The following COL27A1 variants were observed in gnomAD, a reference collection of about 807,000 sequenced individuals.
COL27A1 encodes the protein collagen alpha-1(XXVII) chain.
COL27A1 carries 106 observed loss-of-function variants against 251.3 expected under a neutral mutation model. The ratio of observed to expected loss-of-function variants is 0.42; its 90% CI spans 0.36 to 0.50. The LOEUF (loss-of-function observed/expected upper bound fraction) is 0.50. Ranked by LOEUF, COL27A1 falls within the 20% of genes least tolerant of loss-of-function variation. The probability of loss-of-function intolerance (pLI) is 0.00; values close to 1 mark genes in which losing one functional copy is unlikely to be tolerated. For synonymous variants in COL27A1, 1,000 were observed against 986.3 expected, an observed-to-expected ratio of 1.01 and a Z score of -0.26; for missense variants, 2,325 against 2,522.8, an observed-to-expected ratio of 0.92 and a Z score of 1.68.
Position 114,234,310 on chromosome 9 carries a change from A to T in COL27A1, c.2566-1289A>T, listed in dbSNP as rs181889702. Among the ~76,000 whole-genome samples, 833 of 150,382 alleles carry T rather than the reference A, an allele frequency of 5.5e-3. 8 individuals are homozygous for T. Among genetic ancestry groups the T allele is most frequent in the African/African-American group, 0.017 (700 of 41,176 alleles). On this transcript the variant is annotated intron_variant, in intron 16 of 60. Transcript: ENST00000356083. ...GAAAAACCAAAGTAAGTTGAAAAAA[A>T]ATTTTTTTTTTAATTCTGACTTTTG...
At chr9:114,179,512 T>C (rs1390871992) in intron 4 of COL27A1, among the ~76,000 whole-genome samples, 1 of 152,210 alleles carries the variant, frequency 6.6e-6, no homozygotes, top group Non-Finnish European at 1.5e-5. Context: ...CCTCCATTCA[T>C]GTCTAAGAGC....
rs149195146 is a variant in COL27A1 at position 114,170,407 on chromosome 9, A to C, written c.1908+944A>C. On this transcript the variant is annotated intron_variant, in intron 3 of 60. Coordinates refer to ENST00000356083, the MANE Select transcript of COL27A1 (RefSeq NM_032888.4). ...ATGGGATGGCGTTTCCAGAAGGCTC[A>C]GGGCTCTGCTCTGTTCTCCCGCCTT... Among the ~76,000 whole-genome samples, 746 of 152,318 alleles carry C rather than the reference A, an allele frequency of 4.9e-3. 11 individuals are homozygous for C. Among genetic ancestry groups the C allele is most frequent in the African/African-American group, 0.017 (710 of 41,572 alleles).
In COL27A1 at chr9:114,258,631, G is replaced by A. The variant is rs772558303; in HGVS notation, c.3195+37G>A. 6.2e-6 allele frequency: 10 copies of A among 1,605,126 alleles called. No homozygotes were observed. In the African/African-American group the frequency reaches 8.0e-5, roughly 13 times the overall value. On this transcript the variant is annotated intron_variant, in intron 28 of 60. Coordinates refer to ENST00000356083, the MANE Select transcript of COL27A1 (RefSeq NM_032888.4). Reference sequence around the variant, plus strand: ...CCAGCTCCTGGGGGCTGATGCTGGTGGGAGGGGGCACACTTGGAACAGGGC... The same window carrying A: ...CCAGCTCCTGGGGGCTGATGCTGGTAGGAGGGGGCACACTTGGAACAGGGC...
chr9:114,260,005 G>T (rs1834206090), intron 28 of COL27A1, among the ~76,000 whole-genome samples: 1 of 138,776 alleles, frequency 7.2e-6, no homozygotes, highest in African/African-American at 2.7e-5. Flanking sequence ...TGGGGGGGGG[G>T]TCTCTTCAAA....
intron 1 of COL27A1, among the ~76,000 whole-genome samples, chr9:114,158,369 C>T (rs143089202): frequency 6.6e-6 from 1 of 152,316 alleles, no homozygotes; most frequent in African/African-American, 2.4e-5. Flanking sequence ...CCGGTTCTGG[C>T]AGTGTGGTTA....
At chr9:114,206,002 T>A (rs1829929750) in intron 9 of COL27A1, among the ~76,000 whole-genome samples, 190 bp downstream of exon 9, 1 of 152,120 alleles carries the variant, frequency 6.6e-6, no homozygotes, top group African/African-American at 2.4e-5. Context: ...TAAGGCTGCA[T>A]AGTAAGAGGA....
intron 3 of COL27A1, among the ~76,000 whole-genome samples, chr9:114,170,395 T>G (rs970163765): frequency 6.6e-6 from 1 of 152,190 alleles, no homozygotes; most frequent in Non-Finnish European, 1.5e-5. Context: ...GGATGGCGTT[T>G]CCAGAAGGCT....
intron 27 of COL27A1, among the ~76,000 whole-genome samples, chr9:114,258,103 G>T (rs553873821): frequency 1.3e-5 from 2 of 152,132 alleles, no homozygotes; most frequent in African/African-American, 2.4e-5. Context: ...AGGCTGAGGC[G>T]GGGGGATCAC....
At chr9:114,227,958 T>TG (rs1831617920) in intron 14 of COL27A1, among the ~76,000 whole-genome samples, 1 of 152,166 alleles carries the variant, frequency 6.6e-6, no homozygotes, top group Non-Finnish European at 1.5e-5. Context: ...TAGCCCAATG[T>TG]GGGGGTCCCA....
At position 114,243,928 on chromosome 9, in the gene COL27A1, T is replaced by C. The variant is rs866355068; in HGVS notation, c.2934+368T>C. On this transcript the variant is annotated intron_variant, in intron 23 of 60. Coordinates refer to ENST00000356083, the MANE Select transcript of COL27A1 (RefSeq NM_032888.4). ...ACCGTTTCTGTTTTTTTCTTTCATTTTTTTTTTTTTTTTTTTGAGATGGAG... is the reference window on the plus strand; with the variant it reads ...ACCGTTTCTGTTTTTTTCTTTCATTCTTTTTTTTTTTTTTTTGAGATGGAG... 7.4e-3 allele frequency among the ~76,000 whole-genome samples: 1,030 copies of C among 139,926 alleles called. 17 individuals are homozygous for C. Among genetic ancestry groups the C allele is most frequent in the African/African-American group, 0.028 (961 of 33,798 alleles). 91.8% of individuals were successfully genotyped at this position (139,926 alleles called of 152,430 possible). A position where few individuals can be genotyped will look rare whatever the true frequency, so the allele number is the denominator to read the frequency against.
In COL27A1 at chr9:114,205,610, G is replaced by A. The variant is rs73656018; in HGVS notation, c.2170-149G>A. The A allele has an allele frequency of 0.012, 8,828 of 725,078 alleles. 608 individuals carry two copies. The African/African-American group carries it at 0.14, about 11-fold the overall frequency. The allele number at this position is 725,078 out of a possible 1,614,324, so 44.9% of individuals were successfully genotyped here. On this transcript the variant is annotated intron_variant, in intron 8 of 60. Transcript: ENST00000356083. ...GGTCTGACCGGTTTCACAGAGGGGT[G>A]GGCTTGGGGGCCCTCCCCTTCCTCC...
At chr9:114,244,273 G>T (rs1274376681) in intron 23 of COL27A1, among the ~76,000 whole-genome samples, 1 of 152,178 alleles carries the variant, frequency 6.6e-6, no homozygotes, top group Non-Finnish European at 1.5e-5. Context: ...CTAGAAAGTG[G>T]ACAGGGATTA....
intron 37 of COL27A1, among the ~76,000 whole-genome samples, chr9:114,279,381 G>A (rs1180811787): frequency 1.3e-5 from 2 of 152,202 alleles, no homozygotes; most frequent in African/African-American, 2.4e-5. Flanking sequence ...CACATGGCCC[G>A]TGGTGAGGGT....
intron 49 of COL27A1, among the ~76,000 whole-genome samples, chr9:114,297,444 C>T (rs1158912532): frequency 6.6e-6 from 1 of 151,836 alleles, no homozygotes. Context: ...TATTAGAAAA[C>T]CAAATTCAGC....
intron 3 of COL27A1, among the ~76,000 whole-genome samples, chr9:114,175,572 C>T (rs570243010): frequency 1.3e-5 from 2 of 152,318 alleles, no homozygotes; most frequent in Non-Finnish European, 1.5e-5. Context: ...GGGGCCGCCC[C>T]GTCAAGGAGT....
At position 114,237,590 on chromosome 9, in the gene COL27A1, G is replaced by C. The variant is rs1056964471; in HGVS notation, c.2674-72G>C. The stretch of plus-strand genomic sequence containing the variant: ...AACTTTCCAACCATCCACAACCAGC[G>C]GGGGAACGCAGGGGGTTCATGGAAG... On this transcript the variant is annotated intron_variant, in intron 18 of 60. Transcript: ENST00000356083. 6.4e-6 allele frequency: 8 copies of C among 1,258,114 alleles called. No individual in the cohort carries two copies. In the East Asian group the frequency reaches 1.6e-4, roughly 26 times the overall value. The allele number at this position is 1,258,114 out of a possible 1,614,324, so 77.9% of individuals were successfully genotyped here.
At position 114,197,733 on chromosome 9, in the gene COL27A1, A is replaced by G. The variant is rs139181966; in HGVS notation, c.2124+1721A>G. Reference sequence around the variant, plus strand: ...TGAGCAGGGAGAGGCAGCTTCTCCAAGTTAAGGAAAAGCCACTGCGCAGCT... The same window carrying G: ...TGAGCAGGGAGAGGCAGCTTCTCCAGGTTAAGGAAAAGCCACTGCGCAGCT... On this transcript the variant is annotated intron_variant, in intron 7 of 60. Coordinates refer to ENST00000356083, the MANE Select transcript of COL27A1 (RefSeq NM_032888.4). Among the ~76,000 whole-genome samples the G allele has an allele frequency of 5.5e-3, 832 of 152,360 alleles. 7 individuals are homozygous for G. The highest frequency in any genetic ancestry group is 0.019 in the African/African-American group (791 of 41,584).
chr9:114,186,619 C>T (rs1043603079), intron 5 of COL27A1, among the ~76,000 whole-genome samples: 5 of 152,162 alleles, frequency 3.3e-5, no homozygotes, highest in Admixed American at 2.0e-4. Context: ...GTATAGTGGA[C>T]GACTAGGCAA....
At chr9:114,171,150 A>G (rs1564424675) in intron 3 of COL27A1, among the ~76,000 whole-genome samples, 1 of 152,246 alleles carries the variant, frequency 6.6e-6, no homozygotes, top group African/African-American at 2.4e-5. Flanking sequence ...AATCTCTTTG[A>G]AAAAGAGGAG....
Sources: gnomAD v4.1 joint callset for allele counts (sites outside exome capture counted in the v4.1 genomes callset) on GRCh38, gnomAD v4.1.1 for gene constraint, MANE v1.5 for transcripts, NCBI Gene and HGNC (gene_info 2026-07-23, HGNC 2026-07-21) for gene names.